The following SARS2 variants were observed in gnomAD, a reference collection of about 807,000 sequenced individuals.
The protein encoded by SARS2 is seryl-tRNA synthetase 2, mitochondrial.
A neutral mutation model predicts 66.8 loss-of-function variants in SARS2; 52 were observed. The ratio of observed to expected loss-of-function variants is 0.78; its 90% confidence interval spans 0.62 to 0.98. The LOEUF (loss-of-function observed/expected upper bound fraction) is 0.98, where lower values mean the gene tolerates loss of function less well. Ranked by LOEUF, SARS2 falls within the 50% of genes least tolerant of loss-of-function variation. The pLI is 0.00. For missense variants in SARS2, 673 were observed against 706.3 expected, an observed-to-expected ratio of 0.95 and a Z score of 0.53; for synonymous variants, 306 against 281.4, an observed-to-expected ratio of 1.09 and a Z score of -0.87.
chr19:38,915,652 T>A lies in SARS2; in HGVS notation c.1511A>T (p.Asn504Ile). Reference sequence around the variant, plus strand: ...AGGCAGCCCAGGCTTCCGGGGCTGGTTGGGGCCGATGTACTGGAGAGGCAC... The same window carrying A: ...AGGCAGCCCAGGCTTCCGGGGCTGGATGGGGCCGATGTACTGGAGAGGCAC... ...THVPLQYIGP[N>I]QPRKPGLPGQ... Residue 504 changes from asparagine (N) to isoleucine (I), a missense_variant, in exon 16 of 16, where the codon AAC becomes ATC. Asn to Ile is a moderately radical substitution (Grantham distance 149). Transcript: ENST00000221431. The A allele has an allele frequency of 6.2e-7, 1 of 1,612,614 alleles. No individual in the cohort carries two copies. The highest frequency in any genetic ancestry group is 8.5e-7 in the Non-Finnish European group (1 of 1,179,400).
At chr19:38,920,614 GAC>G (rs1168190982) in intron 5 of SARS2, among the ~76,000 whole-genome samples, 1 of 150,478 alleles carries the variant, frequency 6.6e-6, no homozygotes, top group East Asian at 2.0e-4. Flanking sequence ...GAGGTACGAA[GAC>G]ACACACACAT....
intron 2 of SARS2, among the ~76,000 whole-genome samples, chr19:38,923,070 AT>A (rs35851275): frequency 6.7e-6 from 1 of 149,644 alleles, no homozygotes; most frequent in East Asian, 2.0e-4. Flanking sequence ...CGATCGGCTA[AT>A]TTTTTTTGTA....
chr19:38,915,290 C>CT lies in SARS2; in HGVS notation c.*315dup. On this transcript the variant is annotated 3_prime_UTR_variant, in exon 16 of 16. Transcript: ENST00000221431. ...CTTTGTCCTGACCATTTATTGGGGACTTTTTGCTCAGCACTGTAGGAGGAA... is the reference window on the plus strand; with the variant it reads ...CTTTGTCCTGACCATTTATTGGGGACTTTTTTGCTCAGCACTGTAGGAGGAA... 2.0e-6 allele frequency: 1 copy of CT among 504,896 alleles called. No individual in the cohort carries two copies. Among genetic ancestry groups the CT allele is most frequent in the Non-Finnish European group, 3.5e-6 (1 of 286,406 alleles). 31.3% of individuals were successfully genotyped at this position (504,896 alleles called of 1,614,324 possible). A position where few individuals can be genotyped will look rare whatever the true frequency, so the allele number is the denominator to read the frequency against.
chr19:38,915,737 G>A lies in SARS2; in HGVS notation c.1426C>T (p.Leu476Phe). 1 of 1,613,198 alleles carries A rather than the reference G, an allele frequency of 6.2e-7. No individual in the cohort carries two copies. The highest frequency in any genetic ancestry group is 8.5e-7 in the Non-Finnish European group (1 of 1,179,772). The part of the protein sequence containing the change: ...ESNQQKDGSV[L>F]VPPALQSYLG... ...TAGGACTGGAGGGCAGGGGGCACGA[G>A]CACTGAGCCGTCCTGGGGACAGAGC... Residue 476 changes from leucine to phenylalanine, a missense_variant, in exon 16 of 16, where the codon CTC (leucine) becomes TTC (phenylalanine). Coordinates refer to ENST00000221431, the MANE Select transcript of SARS2 (RefSeq NM_017827.4).
chr19:38,921,470 CG>C, intron 4 of SARS2, 24 bp from the exon 5 acceptor site: 1 of 1,614,142 alleles, frequency 6.2e-7, no homozygotes, highest in South Asian at 1.1e-5. Context: ...GCAGGAGTCA[CG>C]GAAAGGTGGC....
At chr19:38,924,122 ACT>A (rs1390624382) in intron 2 of SARS2, among the ~76,000 whole-genome samples, 1 of 135,190 alleles carries the variant, frequency 7.4e-6, no homozygotes, top group South Asian at 2.3e-4. Context: ...ACACAGTGAG[ACT>A]CTGTCTCAAA....
chr19:38,930,760 C>T lies in SARS2; in HGVS notation c.-24G>A, dbSNP rs111475507. The stretch of plus-strand genomic sequence containing the variant: ...ATCTTGGACCGGGAACAAGGCGGCA[C>T]TTCGTCCCGCCCACTCCGCGTTTAG... On this transcript the variant is annotated 5_prime_UTR_variant, in exon 1 of 16. In the 5' UTR this introduces an upstream ATG that the reference lacks. Coordinates refer to ENST00000221431, the MANE Select transcript of SARS2 (RefSeq NM_017827.4). 4.9e-5 allele frequency: 79 copies of T among 1,609,576 alleles called. 3 individuals carry two copies. In the African/African-American group the frequency reaches 6.1e-4, roughly 12 times the overall value.
chr19:38,918,920 G>A lies in SARS2; in HGVS notation c.760-107C>T, dbSNP rs1443683480. On this transcript the variant is annotated intron_variant, in intron 7 of 15. Transcript: ENST00000221431. ...AGCCCCTTCCTCCTCAGACGAAACTGAGGCAGGGGCTGGCGCAGTGGCTCA... is the reference window on the plus strand; with the variant it reads ...AGCCCCTTCCTCCTCAGACGAAACTAAGGCAGGGGCTGGCGCAGTGGCTCA... 5 of 1,162,526 alleles carry A rather than the reference G, an allele frequency of 4.3e-6. No individual in the cohort carries two copies. In the African/African-American group the frequency reaches 7.7e-5, roughly 18 times the overall value. The allele number at this position is 1,162,526 out of a possible 1,614,324, so 72.0% of individuals were successfully genotyped here.
intron 1 of SARS2, among the ~76,000 whole-genome samples, chr19:38,929,795 A>G (rs2144785806): frequency 6.6e-6 from 1 of 152,304 alleles, no homozygotes; most frequent in South Asian, 2.1e-4. Context: ...GGAGTCCAAG[A>G]GAGGAATGGG....
chr19:38,921,546 T>A lies in SARS2; in HGVS notation c.515A>T (p.Asn172Ile). 1 of 1,614,172 alleles carries A rather than the reference T, an allele frequency of 6.2e-7. No individual in the cohort carries two copies. The highest frequency in any genetic ancestry group is 8.5e-7 in the Non-Finnish European group (1 of 1,180,006). Residue 172 changes from asparagine to isoleucine, a missense_variant, in exon 4 of 16, where the codon AAC (asparagine) becomes ATC (isoleucine). Asn to Ile is a moderately radical substitution (Grantham distance 149). Transcript: ENST00000221431. Reference sequence around the variant, plus strand: ...GCTCACCACGTCTGGGTGGGTCTGGTTGGGCAGCTTCAGCGCCTGCAGGTA... The same window carrying A: ...GCTCACCACGTCTGGGTGGGTCTGGATGGGCAGCTTCAGCGCCTGCAGGTA... ...QFYLQALKLP[N>I]QTHPDVPVGD...
chr19:38,925,843 G>A lies in SARS2; in HGVS notation c.363+362C>T, dbSNP rs549409867. ...GCTTGCTTATTTATTTATTTAGGGAGTCTCGCTCTGTCGCCCAGGCTGGAG... is the reference window on the plus strand; with the variant it reads ...GCTTGCTTATTTATTTATTTAGGGAATCTCGCTCTGTCGCCCAGGCTGGAG... On this transcript the variant is annotated intron_variant, in intron 2 of 15. Coordinates refer to ENST00000221431, the MANE Select transcript of SARS2 (RefSeq NM_017827.4). Among the ~76,000 whole-genome samples the A allele has an allele frequency of 8.5e-4, 130 of 152,274 alleles. 3 individuals are homozygous for A. The South Asian group carries it at 0.026, about 30-fold the overall frequency.
intron 3 of SARS2, 119 bp from the exon 4 acceptor site, chr19:38,921,786 C>A: frequency 6.9e-7 from 1 of 1,458,830 alleles, no homozygotes; most frequent in Non-Finnish European, 9.3e-7. Context: ...TCTCCAGGCC[C>A]AGGATCCTGA....
Position 38,915,682 on chromosome 19 carries a change from G to T in SARS2, c.1481C>A (p.Thr494Asn), listed in dbSNP as rs138608193. Reference protein sequence around the residue: ...YLGTDRITAPTHVPLQYIGPN... With the variant: ...YLGTDRITAPNHVPLQYIGPN... ...GCCGATGTACTGGAGAGGCACGTGG[G>T]TAGGGGCTGTGATCCGATCAGTGCC... Residue 494 changes from threonine (T) to asparagine (N), a missense_variant, in exon 16 of 16, where the codon ACC becomes AAC. Transcript: ENST00000221431. The T allele has an allele frequency of 1.5e-5, 24 of 1,613,164 alleles. 1 individual carries two copies. In the African/African-American group the frequency reaches 2.4e-4, roughly 16 times the overall value.
chr19:38,919,876 C>T lies in SARS2; in HGVS notation c.654-9G>A, dbSNP rs368407919. ...ACACGTGGGACAGGCGCCTGGGAGA[C>T]AGACAGACAGGCGGGTGCACATGGG... is the stretch of plus-strand genomic sequence containing the variant. On this transcript the variant is annotated splice_polypyrimidine_tract_variant and intron_variant, in intron 6 of 15. Transcript: ENST00000221431. 1.1e-5 allele frequency: 18 copies of T among 1,609,860 alleles called. No individual in the cohort carries two copies. Among genetic ancestry groups the T allele is most frequent in the Non-Finnish European group, 1.4e-5 (17 of 1,176,904 alleles).
At chr19:38,918,678 G>C in intron 8 of SARS2, 88 bp downstream of exon 8, 2 of 1,484,308 alleles carry the variant, frequency 1.3e-6, no homozygotes, top group Non-Finnish European at 1.8e-6. Context: ...CCAGCCCCAG[G>C]GCGGTCTCCT....
chr19:38,918,066 G>A (rs201472832), intron 10 of SARS2, 28 bp downstream of exon 10: 135 of 1,604,944 alleles, frequency 8.4e-5, no homozygotes, highest in Middle Eastern at 3.3e-4. Flanking sequence ...CACAGGTGGG[G>A]TCAAGGTCTA....
At chr19:38,921,891 A>G in intron 3 of SARS2, 1 of 1,408,626 alleles carries the variant, frequency 7.1e-7, no homozygotes, top group South Asian at 1.2e-5. Flanking sequence ...CCTTGGCCAC[A>G]ATGACTGGCT....
intron 5 of SARS2, among the ~76,000 whole-genome samples, chr19:38,920,646 GAC>G (rs1023823866): frequency 8.6e-5 from 13 of 151,196 alleles, no homozygotes; most frequent in Admixed American, 2.6e-4. Flanking sequence ...CACAGAGACA[GAC>G]ACATACACAG....
chr19:38,915,597 G>C lies in SARS2; in HGVS notation c.*9C>G, dbSNP rs777446937. 1.9e-6 allele frequency: 3 copies of C among 1,611,324 alleles called. No homozygotes were observed. Among genetic ancestry groups the C allele is most frequent in the Admixed American group, 3.3e-5 (2 of 59,984 alleles). On this transcript the variant is annotated 3_prime_UTR_variant, in exon 16 of 16. Transcript: ENST00000221431. ...AGTGACACCCCCGAGGGCTGCTGTGGGTGGGTTCTTAGCTTACAGCAGGCT... is the reference window on the plus strand; with the variant it reads ...AGTGACACCCCCGAGGGCTGCTGTGCGTGGGTTCTTAGCTTACAGCAGGCT...
Sources: allele counts gnomAD v4.1 joint callset (sites outside exome capture counted in the v4.1 genomes callset), GRCh38; gene constraint gnomAD v4.1.1; transcripts MANE v1.5; gene names NCBI Gene and HGNC (gene_info 2026-07-23, HGNC 2026-07-21).